The following DNAH12 variants were observed in gnomAD, a reference collection of about 807,000 sequenced individuals.
DNAH12 encodes the protein axonemal beta dynein heavy chain 12.
In DNAH12, 285 loss-of-function variants were observed where a neutral mutation model predicts 371.5. That is an observed-to-expected ratio of 0.77 (90% CI 0.70 to 0.85). The LOEUF is 0.85. Among genes scored for constraint, DNAH12 ranks in the 40% least tolerant of loss-of-function variants. DNAH12 has a pLI of 0.00. For synonymous variants in DNAH12, 1,200 were observed against 1,213.0 expected (o/e 0.99, Z 0.22); for missense variants, 3,611 against 3,689.4 (o/e 0.98, Z 0.55).
At position 57,402,383 on chromosome 3, in the gene DNAH12, A is replaced by G. The variant is rs141098092; in HGVS notation, c.6948+926T>C. 37 of 1,304,844 alleles carry G rather than the reference A, an allele frequency of 2.8e-5. No individual in the cohort carries two copies. In the African/African-American group the frequency reaches 3.0e-4, roughly 11 times the overall value. The allele number at this position is 1,304,844 out of a possible 1,614,324, so 80.8% of individuals were successfully genotyped here. On this transcript the variant is annotated intron_variant, in intron 43 of 73. Transcript: ENST00000495027. ...CTAGGCATATAAGGACGAAGCCCCA[A>G]GTATGCACTCCACTATCCTGTTGGT...
chr3:57,309,399 C>G, intron 68 of DNAH12, 145 bp from the exon 69 acceptor site: 1 of 714,872 alleles, frequency 1.4e-6, no homozygotes, highest in Middle Eastern at 4.0e-4. Flanking sequence ...TCCTATGTAC[C>G]TTAGCTCATC....
intron 25 of DNAH12, among the ~76,000 whole-genome samples, chr3:57,450,921 A>C (rs908025738): frequency 6.6e-6 from 1 of 152,244 alleles, no homozygotes; most frequent in African/African-American, 2.4e-5. Flanking sequence ...AAAATGCCTG[A>C]AAGCTTACTC....
At chr3:57,355,711 T>C (rs1182596005) in intron 59 of DNAH12, among the ~76,000 whole-genome samples, 1 of 152,206 alleles carries the variant, frequency 6.6e-6, no homozygotes, top group Non-Finnish European at 1.5e-5. Context: ...ATGTCAATTC[T>C]TTAACTTGAA....
At position 57,433,725 on chromosome 3, in the gene DNAH12, T is replaced by C. The variant is rs1187390921; in HGVS notation, c.4759A>G (p.Lys1587Glu). ...MNEHGYGEEE[K>E]VIYRTVNPKS... Reference sequence around the variant, plus strand: ...GGGTTTACAGTTCTATAAATGACCTTTTCTTCCTCTCCATAGCCATGTTCA... The same window carrying C: ...GGGTTTACAGTTCTATAAATGACCTCTTCTTCCTCTCCATAGCCATGTTCA... Residue 1587 changes from lysine (K) to glutamate (E), a missense_variant, in exon 31 of 74, where the codon AAG (lysine) becomes GAG (glutamate). By Grantham distance (56) the Lys-to-Glu change is moderately conservative (BLOSUM62 1). Transcript: ENST00000495027. The C allele has an allele frequency of 1.3e-6, 2 of 1,551,378 alleles. No individual in the cohort carries two copies. Among genetic ancestry groups the C allele is most frequent in the Admixed American group, 2.0e-5 (1 of 50,972 alleles).
intron 4 of DNAH12, among the ~76,000 whole-genome samples, chr3:57,518,848 A>G (rs1454688037): frequency 6.6e-6 from 1 of 152,186 alleles, no homozygotes; most frequent in African/African-American, 2.4e-5. Flanking sequence ...ATTTGTGCAA[A>G]AAAGTCTCTG....
chr3:57,359,810 G>A (rs1455823557), intron 58 of DNAH12, among the ~76,000 whole-genome samples: 1 of 152,044 alleles, frequency 6.6e-6, no homozygotes, highest in African/African-American at 2.4e-5. Context: ...GTGGGTTCAG[G>A]GAAAAGGGAA....
rs2063980359 is a variant in DNAH12, at chr3:57,404,958, T to C, written c.6755+11A>G. On this transcript the variant is annotated intron_variant, in intron 42 of 73. Transcript: ENST00000495027. The stretch of plus-strand genomic sequence containing the variant: ...ATAGCAATTTCAAGCATCAACACCA[T>C]ATATAGGTACCTAAAAATGACAAGA... 4.0e-6 allele frequency: 6 copies of C among 1,506,404 alleles called. No individual in the cohort carries two copies. The highest frequency in any genetic ancestry group is 5.3e-6 in the Non-Finnish European group (6 of 1,132,302). 93.3% of individuals were successfully genotyped at this position (1,506,404 alleles called of 1,614,324 possible). A position where few individuals can be genotyped will look rare whatever the true frequency, so the allele number is the denominator to read the frequency against.
chr3:57,516,436 C>G (rs1239492664), intron 4 of DNAH12, among the ~76,000 whole-genome samples: 2 of 152,226 alleles, frequency 1.3e-5, no homozygotes, highest in East Asian at 3.9e-4. Context: ...TGACCTCTGT[C>G]TAGCAATGAA....
chr3:57,363,135 C>G (rs1465968060), intron 58 of DNAH12, among the ~76,000 whole-genome samples: 1 of 152,080 alleles, frequency 6.6e-6, no homozygotes, highest in Non-Finnish European at 1.5e-5. Context: ...GCATCTATAA[C>G]CATCTGATCT....
intron 73 of DNAH12, among the ~76,000 whole-genome samples, chr3:57,294,713 AT>A (rs1457461107): frequency 6.6e-6 from 1 of 152,182 alleles, no homozygotes; most frequent in Admixed American, 6.5e-5. Flanking sequence ...TGACGTTTCT[AT>A]TTGTTTTTAG....
Position 57,402,373 on chromosome 3 carries a change from C to A in DNAH12, c.6948+936G>T, listed in dbSNP as rs782724167. On this transcript the variant is annotated intron_variant, in intron 43 of 73. Coordinates refer to ENST00000495027, the MANE Select transcript of DNAH12 (RefSeq NM_001366028.2). ...CTACAGACCCCTAGGCATATAAGGA[C>A]GAAGCCCCAAGTATGCACTCCACTA... 29 of 1,303,534 alleles carry A rather than the reference C, an allele frequency of 2.2e-5. 1 individual carries two copies. The highest frequency in any genetic ancestry group is 2.7e-5 in the Non-Finnish European group (27 of 988,086). The allele number at this position is 1,303,534 out of a possible 1,614,324, so 80.7% of individuals were successfully genotyped here.
rs1414627031 is a variant in DNAH12 at position 57,429,671 on chromosome 3, G to A, written c.5064+20C>T. Reference sequence around the variant, plus strand: ...ATGAAGAAATGAACAAACCACCATTGTATTAAATTATGAACTTACGGATGC... The same window carrying A: ...ATGAAGAAATGAACAAACCACCATTATATTAAATTATGAACTTACGGATGC... On this transcript the variant is annotated intron_variant, in intron 33 of 73. Transcript: ENST00000495027. 2.0e-6 allele frequency: 3 copies of A among 1,515,842 alleles called. No individual in the cohort carries two copies. Among genetic ancestry groups the A allele is most frequent in the Non-Finnish European group, 1.8e-6 (2 of 1,133,818 alleles). 93.9% of individuals were successfully genotyped at this position (1,515,842 alleles called of 1,614,324 possible).
At chr3:57,539,769 A>G (rs987930624) in intron 2 of DNAH12, among the ~76,000 whole-genome samples, 1 of 151,734 alleles carries the variant, frequency 6.6e-6, no homozygotes, top group African/African-American at 2.4e-5. Context: ...GCCTGCCACC[A>G]TACCCGGCTA....
intron 60 of DNAH12, among the ~76,000 whole-genome samples, chr3:57,335,494 T>C (rs931312166): frequency 9.2e-5 from 14 of 152,236 alleles, no homozygotes; most frequent in African/African-American, 3.1e-4. Context: ...GATTTCATCA[T>C]TGTGTGAACA....
intron 62 of DNAH12, among the ~76,000 whole-genome samples, chr3:57,326,184 A>G (rs369043693): frequency 7.9e-5 from 12 of 152,002 alleles, no homozygotes; most frequent in African/African-American, 1.7e-4. Context: ...GCAGGCCAAC[A>G]TTCAGATTCA....
chr3:57,555,974 G>A, the DNAH12 span, among the ~76,000 whole-genome samples: 1 of 152,228 alleles, frequency 6.6e-6, no homozygotes, highest in Non-Finnish European at 1.5e-5. Flanking sequence ...GAGGAGAGCT[G>A]GTCAGCCAAG....
intron 60 of DNAH12, among the ~76,000 whole-genome samples, chr3:57,342,468 ATCTCT>A (rs2062423451): frequency 8.8e-6 from 1 of 114,032 alleles, no homozygotes; most frequent in African/African-American, 3.5e-5. Flanking sequence ...GTGAAACCCT[ATCTCT>A]ACTAAAAATA....
In DNAH12 at chr3:57,459,715, C is replaced by G. The variant is rs2066000644; in HGVS notation, c.2808G>C (p.Leu936=). The G allele has an allele frequency of 1.3e-6, 2 of 1,547,144 alleles. No individual in the cohort carries two copies. The highest frequency in any genetic ancestry group is 1.7e-6 in the Non-Finnish European group (2 of 1,144,064). ...CAGAACAAAAGATGGGCTCTAAGTA[C>G]AGCCATTGAGCTTGTACTTTTAACC... is the stretch of plus-strand genomic sequence containing the variant. The part of the protein sequence containing the change: ...DEWLKVQAQW[L]YLEPIFCSED... The change falls in exon 20 of 74, where the codon CTG becomes CTC. Residue 936 remains leucine, a synonymous_variant. Transcript: ENST00000495027.
At chr3:57,391,248 A>G (rs1336039981) in intron 45 of DNAH12, among the ~76,000 whole-genome samples, 2 of 152,304 alleles carry the variant, frequency 1.3e-5, no homozygotes, top group Admixed American at 6.5e-5. Flanking sequence ...GGCTGCATCC[A>G]ATTGTCCTTG....
Sources: gnomAD v4.1 joint callset for allele counts (sites outside exome capture counted in the v4.1 genomes callset) on GRCh38, gnomAD v4.1.1 for gene constraint, MANE v1.5 for transcripts, NCBI Gene and HGNC (gene_info 2026-07-23, HGNC 2026-07-21) for gene names.